ALDH1A3: variants seen among roughly 807,000 people sequenced by gnomAD.
ALDH1A3 encodes aldehyde dehydrogenase 1 family member A3, also known as retinaldehyde dehydrogenase 3.
ALDH1A3 carries 28 observed loss-of-function variants against 57.5 expected under a neutral mutation model. That is an observed-to-expected ratio of 0.49 (90% CI 0.36 to 0.67). The LOEUF (loss-of-function observed/expected upper bound fraction) is 0.67, where lower values mean the gene tolerates loss of function less well. ALDH1A3 is among the 30% of genes least tolerant of loss of function. The pLI is 0.00. For missense variants in ALDH1A3, 507 were observed against 669.4 expected (o/e 0.76, Z 2.68); for synonymous variants, 281 against 264.8 (o/e 1.06, Z -0.59).
Position 100,906,788 on chromosome 15 carries a change from C to T in ALDH1A3, c.1234-333C>T, listed in dbSNP as rs1445690346. Among the ~76,000 whole-genome samples the T allele has an allele frequency of 6.6e-6, 1 of 152,166 alleles. No homozygotes were observed. Among genetic ancestry groups the T allele is most frequent in the Non-Finnish European group, 1.5e-5 (1 of 68,034 alleles). On this transcript the variant is annotated intron_variant, in intron 10 of 12. Coordinates refer to ENST00000329841, the MANE Select transcript of ALDH1A3 (RefSeq NM_000693.4). The surrounding 1 kb of genome is among the most constrained non-coding windows in gnomAD (Gnocchi z 4.8). ...TCAGGACAACTCCGAAAAAAGTTAC[C>T]TAAAGGTTTTGTGTTCTGTGCATCT...
chr15:100,891,433 T>C (rs1340161339), intron 3 of ALDH1A3, among the ~76,000 whole-genome samples: 1 of 152,208 alleles, frequency 6.6e-6, no homozygotes, highest in Non-Finnish European at 1.5e-5. Context: ...GACACACCTG[T>C]CCAGGAGCAG....
At chr15:100,898,854 G>A (rs925182283) in intron 8 of ALDH1A3, among the ~76,000 whole-genome samples, 20 of 152,160 alleles carry the variant, frequency 1.3e-4, no homozygotes, top group African/African-American at 4.6e-4. Context: ...GGGAAGGAAG[G>A]GCTGGCCGGG....
In ALDH1A3 at chr15:100,906,794, G is replaced by C. The variant is rs1206215896; in HGVS notation, c.1234-327G>C. ...CAACTCCGAAAAAAGTTACCTAAAG[G>C]TTTTGTGTTCTGTGCATCTATGGGT... On this transcript the variant is annotated intron_variant, in intron 10 of 12. Coordinates refer to ENST00000329841, the MANE Select transcript of ALDH1A3 (RefSeq NM_000693.4). This position sits in a 1 kb window ranked among gnomAD's most constrained non-coding sequence, Gnocchi z 4.8. 2.6e-5 allele frequency among the ~76,000 whole-genome samples: 4 copies of C among 152,196 alleles called. No individual in the cohort carries two copies. The highest frequency in any genetic ancestry group is 5.9e-5 in the Non-Finnish European group (4 of 68,036).
At position 100,906,563 on chromosome 15, in the gene ALDH1A3, C is replaced by T. The variant is rs551861880; in HGVS notation, c.1234-558C>T. ...TGTCTAATATTGAATCAATTACAAG[C>T]TCCCTTCAAAATCACCTTTAAATGT... On this transcript the variant is annotated intron_variant, in intron 10 of 12. Transcript: ENST00000329841. This position sits in a 1 kb window ranked among gnomAD's most constrained non-coding sequence, Gnocchi z 4.8. 7.9e-5 allele frequency among the ~76,000 whole-genome samples: 12 copies of T among 152,350 alleles called. No homozygotes were observed. In the South Asian group the frequency reaches 2.5e-3, roughly 32 times the overall value.
chr15:100,904,579 G>T (rs1202672533), intron 9 of ALDH1A3, among the ~76,000 whole-genome samples: 2 of 152,200 alleles, frequency 1.3e-5, no homozygotes, highest in African/African-American at 4.8e-5. Flanking sequence ...CAGCCAAAGA[G>T]GAGGGAGACC....
chr15:100,891,916 C>T (rs927972663), intron 3 of ALDH1A3, among the ~76,000 whole-genome samples: 3 of 152,260 alleles, frequency 2.0e-5, no homozygotes, highest in South Asian at 2.1e-4. Context: ...ACTCTGCATC[C>T]GGCCGGCCGG....
In ALDH1A3 at chr15:100,892,561, G is replaced by A. The variant is rs772819081; in HGVS notation, c.397G>A (p.Asp133Asn). The change falls in exon 4 of 13, where the codon GAC (aspartate) becomes AAC (asparagine). Residue 133 changes from aspartate to asparagine, a missense_variant. Physicochemically the swap from Asp to Asn is conservative, Grantham distance 23. Coordinates refer to ENST00000329841, the MANE Select transcript of ALDH1A3 (RefSeq NM_000693.4). Reference protein sequence around the residue: ...GKPFLHAFFIDLEGCIRTLRY... With the variant: ...GKPFLHAFFINLEGCIRTLRY... ...GCCATTTCTTCATGCTTTTTTCATCGACCTGGAGGGCTGTATTAGAACCCT... is the reference window on the plus strand; with the variant it reads ...GCCATTTCTTCATGCTTTTTTCATCAACCTGGAGGGCTGTATTAGAACCCT... The A allele has an allele frequency of 3.1e-6, 5 of 1,612,550 alleles. No individual in the cohort carries two copies. The highest frequency in any genetic ancestry group is 4.5e-5 in the East Asian group (2 of 44,872).
In ALDH1A3 at chr15:100,887,999, C is replaced by G. The variant is rs1201730496; in HGVS notation, c.345+287C>G. Among the ~76,000 whole-genome samples the G allele has an allele frequency of 6.6e-6, 1 of 152,256 alleles. No individual in the cohort carries two copies. The highest frequency in any genetic ancestry group is 1.9e-4 in the East Asian group (1 of 5,206). On this transcript the variant is annotated intron_variant, in intron 3 of 12. Transcript: ENST00000329841. The surrounding 1 kb of genome is among the most constrained non-coding windows in gnomAD (Gnocchi z 4.6). The stretch of plus-strand genomic sequence containing the variant: ...TCAGTGGTCTCAGACTTGGGGCACT[C>G]ACAGATTGGTGACCATGAGCTGGGC...
chr15:100,899,593 C>T (rs114168201), intron 8 of ALDH1A3, among the ~76,000 whole-genome samples: 179 of 152,280 alleles, frequency 1.2e-3, no homozygotes, highest in African/African-American at 4.0e-3. Context: ...CCTGCCCCTT[C>T]GCCTCACCCC....
intron 1 of ALDH1A3, 42 bp downstream of exon 1, chr15:100,880,048 G>C (rs1320821026): frequency 7.3e-7 from 1 of 1,369,370 alleles, no homozygotes; most frequent in Non-Finnish European, 9.6e-7. Flanking sequence ...GCGGGCCCCT[G>C]CGCTGGGCAG....
At chr15:100,892,401 G>C (rs2041659263) in intron 3 of ALDH1A3, 109 bp from the exon 4 acceptor site, 1 of 1,469,008 alleles carries the variant, frequency 6.8e-7, no homozygotes, top group Non-Finnish European at 9.3e-7. Context: ...GAGGTCTACA[G>C]AGCAATGTCC....
At chr15:100,907,318 C>T in intron 11 of ALDH1A3, 40 bp downstream of exon 11, 1 of 1,593,154 alleles carries the variant, frequency 6.3e-7, no homozygotes, top group Non-Finnish European at 8.6e-7. Context: ...TCCTGAGTTG[C>T]TTCTTGCTAA....
chr15:100,911,307 G>A (rs887854708), intron 12 of ALDH1A3, among the ~76,000 whole-genome samples: 12 of 152,198 alleles, frequency 7.9e-5, no homozygotes, highest in African/African-American at 2.4e-5. Context: ...GCCCACCCAC[G>A]GGCCCCTCCG....
At chr15:100,903,826 G>A (rs951861322) in intron 9 of ALDH1A3, among the ~76,000 whole-genome samples, 4 of 152,102 alleles carry the variant, frequency 2.6e-5, no homozygotes, top group Non-Finnish European at 4.4e-5. Context: ...TGTGCTTTGC[G>A]TATTTTTCTT....
rs540584423 is a variant in ALDH1A3, at chr15:100,887,066, C to T, written c.205-506C>T. On this transcript the variant is annotated intron_variant, in intron 2 of 12. Coordinates refer to ENST00000329841, the MANE Select transcript of ALDH1A3 (RefSeq NM_000693.4). This position sits in a 1 kb window ranked among gnomAD's most constrained non-coding sequence, Gnocchi z 4.6. ...ACTCTTTAGGAAATATTTTTAAATGCTTTTTATAATCAGAAACAAACATTG... is the reference window on the plus strand; with the variant it reads ...ACTCTTTAGGAAATATTTTTAAATGTTTTTTATAATCAGAAACAAACATTG... Among the ~76,000 whole-genome samples, 1 of 152,262 alleles carries T rather than the reference C, an allele frequency of 6.6e-6. No homozygotes were observed. Among genetic ancestry groups the T allele is most frequent in the South Asian group, 2.1e-4 (1 of 4,822 alleles).
intron 2 of ALDH1A3, among the ~76,000 whole-genome samples, chr15:100,886,588 C>T (rs1392826082): frequency 6.6e-6 from 1 of 152,188 alleles, no homozygotes; most frequent in Non-Finnish European, 1.5e-5. Flanking sequence ...TCACTCCTGA[C>T]TGGTGTCCCA....
At chr15:100,897,316 T>C (rs1214167853) in intron 7 of ALDH1A3, among the ~76,000 whole-genome samples, 1 of 151,804 alleles carries the variant, frequency 6.6e-6, no homozygotes, top group Non-Finnish European at 1.5e-5. Context: ...GGCCTCCGTG[T>C]CTGCACTGGT....
rs2041666688 is a variant in ALDH1A3 at position 100,893,053 on chromosome 15, C to T, written c.537+47C>T. On this transcript the variant is annotated intron_variant, in intron 5 of 12. Coordinates refer to ENST00000329841, the MANE Select transcript of ALDH1A3 (RefSeq NM_000693.4). The surrounding 1 kb of genome is among the most constrained non-coding windows in gnomAD (Gnocchi z 4.8). ...AGTAGATTCTATGTAGATCCTGCCC[C>T]ACTGCCCTGTGTCCTTTGGAATCAA... The T allele has an allele frequency of 1.3e-6, 2 of 1,532,872 alleles. No individual in the cohort carries two copies. The highest frequency in any genetic ancestry group is 9.0e-7 in the Non-Finnish European group (1 of 1,113,588). 95.0% of individuals were successfully genotyped at this position (1,532,872 alleles called of 1,614,324 possible). A position where few individuals can be genotyped will look rare whatever the true frequency, so the allele number is the denominator to read the frequency against.
intron 2 of ALDH1A3, among the ~76,000 whole-genome samples, chr15:100,885,655 CT>C (rs4646657): frequency 0.011 from 1,550 of 138,240 alleles, 16 homozygotes; most frequent in African/African-American, 0.03. Context: ...TTTCTTTTTT[CT>C]TTTTTTTTTT....
Sources: allele counts gnomAD v4.1 joint callset (sites outside exome capture counted in the v4.1 genomes callset), GRCh38; gene constraint gnomAD v4.1.1; non-coding constraint Gnocchi (gnomAD v3.1); transcripts MANE v1.5; gene names NCBI Gene and HGNC (gene_info 2026-07-23, HGNC 2026-07-21).